Variants in AP1G1 observed in about 807,000 individuals in gnomAD.
The protein encoded by AP1G1 is AP-1 complex subunit gamma-1.
A neutral mutation model predicts 108.3 loss-of-function variants in AP1G1; 7 were observed. The ratio of observed to expected loss-of-function variants is 0.06; its 90% CI spans 0.04 to 0.12. The LOEUF is 0.12. AP1G1 is among the 10% of genes least tolerant of loss of function. The pLI is 1.00. For synonymous variants in AP1G1, 379 were observed against 353.5 expected (o/e 1.07, Z -0.81); for missense variants, 756 against 1,010.7 (o/e 0.75, Z 3.42).
rs2045476324 is a variant in AP1G1, at chr16:71,731,675, TA to T, written c.*1382del. The T allele has an allele frequency of 1.3e-5, 2 of 152,730 alleles. No individual in the cohort carries two copies. The highest frequency in any genetic ancestry group is 4.1e-4 in the South Asian group (2 of 4,824). 9.5% of individuals were successfully genotyped at this position (152,730 alleles called of 1,614,324 possible). On this transcript the variant is annotated 3_prime_UTR_variant, in exon 23 of 23. Coordinates refer to ENST00000299980, the MANE Select transcript of AP1G1 (RefSeq NM_001128.6). ...AGTTTGATAACATATGGGTCCTTTC[TA>T]AAAAGCACTTGGCACTCTCACTAGT...
intron 21 of AP1G1, among the ~76,000 whole-genome samples, chr16:71,736,606 A>C (rs1267518525): frequency 9.7e-6 from 1 of 103,606 alleles, no homozygotes; most frequent in Non-Finnish European, 1.9e-5. Context: ...TTATTTTTTG[A>C]GACGAGTCTC....
At chr16:71,770,104 A>G (rs982864905) in intron 5 of AP1G1, among the ~76,000 whole-genome samples, 7 of 152,228 alleles carry the variant, frequency 4.6e-5, no homozygotes, top group African/African-American at 1.4e-4. Context: ...TTACATTTCC[A>G]GATAAAACGC....
At chr16:71,768,917 C>CAAAAAAAA (rs58725744) in intron 6 of AP1G1, among the ~76,000 whole-genome samples, 4 of 42,178 alleles carry the variant, frequency 9.5e-5, no homozygotes, top group African/African-American at 1.1e-4. Flanking sequence ...GACTCTGTCT[C>CAAAAAAAA]AAAAAAAAAA....
At chr16:71,801,127 C>T (rs1346374305) in intron 1 of AP1G1, among the ~76,000 whole-genome samples, 2 of 151,822 alleles carry the variant, frequency 1.3e-5, no homozygotes, top group Non-Finnish European at 2.9e-5. Flanking sequence ...GCCAACATGG[C>T]GAAACCTCAT....
chr16:71,768,568 T>G (rs1191182549), intron 6 of AP1G1, among the ~76,000 whole-genome samples: 1 of 148,142 alleles, frequency 6.8e-6, no homozygotes, highest in Admixed American at 6.8e-5. Context: ...GTCAATGTCC[T>G]AAAACGAACA....
Position 71,732,939 on chromosome 16 carries a change from A to G in AP1G1, c.*119T>C. On this transcript the variant is annotated 3_prime_UTR_variant, in exon 23 of 23. Transcript: ENST00000299980. ...TAACTTTAGGAAAATCCTCCTCAGCAGTTCTCTTCAGCTCCTCATGCCCGT... is the reference window on the plus strand; with the variant it reads ...TAACTTTAGGAAAATCCTCCTCAGCGGTTCTCTTCAGCTCCTCATGCCCGT... The G allele has an allele frequency of 1.4e-6, 1 of 718,312 alleles. No individual in the cohort carries two copies. The allele number at this position is 718,312 out of a possible 1,614,324, so 44.5% of individuals were successfully genotyped here.
chr16:71,802,736 A>T (rs2032850241), intron 1 of AP1G1, among the ~76,000 whole-genome samples: 1 of 151,646 alleles, frequency 6.6e-6, no homozygotes, highest in Non-Finnish European at 1.5e-5. Flanking sequence ...TCTCAAAAAA[A>T]AAATTCGTAC....
intron 10 of AP1G1, 66 bp downstream of exon 10, chr16:71,761,446 C>G: frequency 9.0e-7 from 1 of 1,115,684 alleles, no homozygotes; most frequent in Non-Finnish European, 1.4e-6. Context: ...TGATCTTGAG[C>G]AGAATCGCTC....
Position 71,789,370 on chromosome 16 carries a change from G to C in AP1G1, c.110C>G (p.Ser37Cys), listed in dbSNP as rs2032317738. Residue 37 changes from serine (S) to cysteine (C), a missense_variant, in exon 2 of 23, where the codon TCT becomes TGT. Around this residue, in one of 3 missense-constraint regions of AP1G1, gnomAD observed 304 missense variants for 483.6 expected, o/e 0.63. Transcript: ENST00000299980. ...IQKECAAIRS[S>C]FREEDNTYRC... is the part of the protein sequence containing the mutation. ...GTATGTATTGTCTTCTTCTCTAAAA[G>C]ATGACCGGATTGCAGCACATTCTTT... 1.9e-6 allele frequency: 3 copies of C among 1,614,088 alleles called. No homozygotes were observed. The highest frequency in any genetic ancestry group is 4.5e-5 in the East Asian group (2 of 44,898).
intron 1 of AP1G1, among the ~76,000 whole-genome samples, chr16:71,799,888 G>A (rs1186822650): frequency 1.4e-5 from 2 of 147,770 alleles, no homozygotes; most frequent in East Asian, 4.0e-4. Context: ...GACAGAGCGA[G>A]GTTCCATCTT....
At chr16:71,771,337 A>C in intron 4 of AP1G1, 85 bp from the exon 5 acceptor site, 2 of 725,140 alleles carry the variant, frequency 2.8e-6, no homozygotes, top group Non-Finnish European at 4.3e-6. Context: ...CCAACACAAA[A>C]ATCTCACCAA....
Position 71,782,466 on chromosome 16 carries a change from A to AATTATT in AP1G1, c.201+6807_201+6812dup, listed in dbSNP as rs112080769. ...AGTTTAGTCACCGCACCCAGCCTAC[A>AATTATT]ATTATTATTATTATTATTATTATTT... On this transcript the variant is annotated intron_variant, in intron 2 of 22. Coordinates refer to ENST00000299980, the MANE Select transcript of AP1G1 (RefSeq NM_001128.6). 3.7e-4 allele frequency among the ~76,000 whole-genome samples: 55 copies of AATTATT among 148,938 alleles called. No individual in the cohort carries two copies. The South Asian group carries it at 4.1e-3, about 11-fold the overall frequency.
At position 71,764,721 on chromosome 16, in the gene AP1G1, T is replaced by G. The variant is rs2031242787; in HGVS notation, c.744A>C (p.Arg248=). Residue 248 remains arginine (R), a synonymous_variant, in exon 8 of 23, where the codon CGA becomes CGC. Coordinates refer to ENST00000299980, the MANE Select transcript of AP1G1 (RefSeq NM_001128.6). ...CTAAAATTCTTAATAACCGCAAAAT[T>G]CGTACCTAACGTGCAAAAGATGAGA... is the stretch of plus-strand genomic sequence containing the variant. ...SGISDPFLQV[R]ILRLLRILGR... 1 of 1,608,156 alleles carries G rather than the reference T, an allele frequency of 6.2e-7. No individual in the cohort carries two copies. The highest frequency in any genetic ancestry group is 1.3e-5 in the African/African-American group (1 of 74,678).
rs766827918 is a variant in AP1G1 at position 71,756,104 on chromosome 16, T to A, written c.1144A>T (p.Met382Leu). 7 of 1,613,702 alleles carry A rather than the reference T, an allele frequency of 4.3e-6. No individual in the cohort carries two copies. The highest frequency in any genetic ancestry group is 1.7e-5 in the Admixed American group (1 of 59,968). ...TCCAGAAAATAAAGTAATTCTTTCA[T>A]CATGCCTCGGATATTATTCCCATTT... Reference protein sequence around the residue: ...LVNGNNIRGMMKELLYFLDSC... With the variant: ...LVNGNNIRGMLKELLYFLDSC... Residue 382 changes from methionine to leucine, a missense_variant, in exon 12 of 23, where the codon ATG (methionine) becomes TTG (leucine). By Grantham distance (15) the Met-to-Leu change is conservative (BLOSUM62 2). Transcript: ENST00000299980.
At chr16:71,739,500 T>A (rs1378731790) in intron 19 of AP1G1, among the ~76,000 whole-genome samples, 159 bp from the exon 20 acceptor site, 2 of 151,980 alleles carry the variant, frequency 1.3e-5, no homozygotes, top group Non-Finnish European at 2.9e-5. Context: ...AAAACTCAAG[T>A]ACTTTAAAAC....
At chr16:71,777,123 A>C (rs892047167) in intron 2 of AP1G1, among the ~76,000 whole-genome samples, 1 of 149,792 alleles carries the variant, frequency 6.7e-6, no homozygotes, top group African/African-American at 2.4e-5. Context: ...AAAAAAAAAA[A>C]AAAAAAAAAA....
chr16:71,755,386 G>A (rs959964884), intron 12 of AP1G1, among the ~76,000 whole-genome samples: 8 of 151,816 alleles, frequency 5.3e-5, no homozygotes, highest in African/African-American at 1.7e-4. Flanking sequence ...GCACTGAGCC[G>A]AGACTGTGCC....
chr16:71,735,597 G>C (rs952203283), intron 21 of AP1G1, among the ~76,000 whole-genome samples: 44 of 151,594 alleles, frequency 2.9e-4, no homozygotes, highest in African/African-American at 9.7e-4. Flanking sequence ...AGGAGGTTGT[G>C]GTGAGCCGAG....
chr16:71,808,413 G>GGGTGGGGCCC, intron 1 of AP1G1: 1 of 1,107,534 alleles, frequency 9.0e-7, no homozygotes, highest in African/African-American at 1.6e-5. Flanking sequence ...AGACACGCGG[G>GGGTGGGGCCC]GGTGGGGCCC....
Sources: gnomAD v4.1 joint callset for allele counts (sites outside exome capture counted in the v4.1 genomes callset) on GRCh38, gnomAD v4.1.1 for gene constraint, gnomAD v4.1.1 regional missense constraint, MANE v1.5 for transcripts, NCBI Gene and HGNC (gene_info 2026-07-23, HGNC 2026-07-21) for gene names.